Variants in TOX observed in about 807,000 individuals in gnomAD.
The protein encoded by TOX is thymocyte selection associated high mobility group box.
TOX carries 11 observed loss-of-function variants against 53.7 expected under a neutral mutation model. That is an observed-to-expected ratio of 0.20 (90% CI 0.13 to 0.34). The LOEUF (loss-of-function observed/expected upper bound fraction) is 0.34. Ranked by LOEUF, TOX falls within the 10% of genes least tolerant of loss-of-function variation. TOX has a pLI of 1.00. For synonymous variants in TOX, 225 were observed against 245.3 expected, an observed-to-expected ratio of 0.92 and a Z score of 0.77; for missense variants, 570 against 664.6, an observed-to-expected ratio of 0.86 and a Z score of 1.56.
intron 1 of TOX, among the ~76,000 whole-genome samples, chr8:58,972,952 T>C (rs1052823465): frequency 1.3e-5 from 2 of 152,206 alleles, no homozygotes; most frequent in African/African-American, 4.8e-5. Context: ...TTCCAAGAAA[T>C]CTTTTAACGT....
intron 6 of TOX, 120 bp downstream of exon 6, chr8:58,826,702 T>C (rs1810372765): frequency 4.7e-6 from 4 of 855,078 alleles, no homozygotes; most frequent in Middle Eastern, 2.4e-4. Context: ...ATTTACTTTT[T>C]TTTCCAACAA....
At chr8:58,999,978 A>G (rs1813658316) in intron 1 of TOX, among the ~76,000 whole-genome samples, 1 of 152,212 alleles carries the variant, frequency 6.6e-6, no homozygotes, top group Admixed American at 6.5e-5. Flanking sequence ...GAATTCTGCA[A>G]GCACAGAAAT....
At chr8:58,815,878 T>C (rs781430675) in intron 6 of TOX, among the ~76,000 whole-genome samples, 154 bp from the exon 7 acceptor site, 1 of 152,226 alleles carries the variant, frequency 6.6e-6, no homozygotes, top group Non-Finnish European at 1.5e-5. Context: ...CACCATTATT[T>C]GTAATGTGAT....
chr8:58,888,855 TA>T (rs928548549), intron 3 of TOX, among the ~76,000 whole-genome samples: 8 of 151,112 alleles, frequency 5.3e-5, no homozygotes, highest in African/African-American at 1.7e-4. Context: ...GTGAATCAAG[TA>T]AAAAAAAATC....
rs558013797 is a variant in TOX at position 59,074,291 on chromosome 8, A to G, written c.102+44595T>C. Among the ~76,000 whole-genome samples the G allele has an allele frequency of 3.3e-5, 5 of 152,348 alleles. No individual in the cohort carries two copies. The East Asian group carries it at 7.7e-4, about 24-fold the overall frequency. On this transcript the variant is annotated intron_variant, in intron 1 of 8. Coordinates refer to ENST00000361421, the MANE Select transcript of TOX (RefSeq NM_014729.3). ...TATCTAGTAAATGTAATTCCTACAT[A>G]AGAGAAATACATTTGCATTTCTCAG...
At chr8:58,936,768 CT>C (rs1812351113) in intron 3 of TOX, among the ~76,000 whole-genome samples, 1 of 152,166 alleles carries the variant, frequency 6.6e-6, no homozygotes. Flanking sequence ...TCTTCTTTCT[CT>C]GAGACCATGC....
rs546021122 is a variant in TOX at position 58,855,479 on chromosome 8, TC to T, written c.412-3675del. Among the ~76,000 whole-genome samples the T allele has an allele frequency of 3.7e-4, 56 of 152,326 alleles. 1 individual carries two copies. The South Asian group carries it at 0.011, about 30-fold the overall frequency. ...GCAGTCATTTTTGACTCTTTCCTTT[TC>T]TACCAAACTCTTGTGAGTTCTGTTG... On this transcript the variant is annotated intron_variant, in intron 3 of 8. Transcript: ENST00000361421.
chr8:59,029,371 T>C (rs772029702), intron 1 of TOX, among the ~76,000 whole-genome samples: 1 of 152,156 alleles, frequency 6.6e-6, no homozygotes, highest in African/African-American at 2.4e-5. Context: ...TAATTTATGT[T>C]GGATTAAATA....
intron 7 of TOX, among the ~76,000 whole-genome samples, chr8:58,808,689 G>A (rs546648692): frequency 4.6e-5 from 7 of 152,278 alleles, no homozygotes; most frequent in Admixed American, 6.5e-5. Flanking sequence ...CAGGCAGCAG[G>A]TGGCTGAGTG....
chr8:59,043,902 G>A (rs1803639986), intron 1 of TOX, among the ~76,000 whole-genome samples: 1 of 152,130 alleles, frequency 6.6e-6, no homozygotes, highest in Non-Finnish European at 1.5e-5. Flanking sequence ...AGTAGAGAGG[G>A]ACCAAGACTT....
chr8:58,999,910 G>GT (rs1813657170), intron 1 of TOX, among the ~76,000 whole-genome samples: 1 of 152,132 alleles, frequency 6.6e-6, no homozygotes, highest in African/African-American at 2.4e-5. Flanking sequence ...AGAGGGGCTG[G>GT]TTTTGGTTTT....
intron 3 of TOX, among the ~76,000 whole-genome samples, chr8:58,913,751 A>G (rs1454121203): frequency 7.4e-6 from 1 of 135,356 alleles, no homozygotes; most frequent in East Asian, 2.3e-4. Flanking sequence ...TTGGAAGTAT[A>G]AGAATGTTTT....
At chr8:58,975,710 CTGT>C (rs2129180097) in intron 1 of TOX, among the ~76,000 whole-genome samples, 1 of 152,282 alleles carries the variant, frequency 6.6e-6, no homozygotes, top group African/African-American at 2.4e-5. Flanking sequence ...TCTTGCCTTA[CTGT>C]TGATGACTGC....
chr8:59,077,882 C>T (rs191900161), intron 1 of TOX, among the ~76,000 whole-genome samples: 12 of 152,098 alleles, frequency 7.9e-5, no homozygotes, highest in Non-Finnish European at 4.4e-5. Flanking sequence ...CCTTTTTGCC[C>T]CTTAATCATG....
rs759291591 is a variant in TOX at position 58,815,593 on chromosome 8, C to T, written c.1137G>A (p.Pro379=). The T allele has an allele frequency of 1.2e-5, 20 of 1,613,972 alleles. No individual in the cohort carries two copies. The highest frequency in any genetic ancestry group is 3.3e-5 in the South Asian group (3 of 91,078). ...TGGCAGTTAGGTGAGGATTCATTCCCGGTTGTTGGTGATAGTGGGAACTTA... is the reference window on the plus strand; with the variant it reads ...TGGCAGTTAGGTGAGGATTCATTCCTGGTTGTTGGTGATAGTGGGAACTTA... The part of the protein sequence containing the change: ...LYLSSHYHQQ[P]GMNPHLTAMH... Residue 379 remains proline (P), a synonymous_variant, in exon 7 of 9, where the codon CCG becomes CCA. Coordinates refer to ENST00000361421, the MANE Select transcript of TOX (RefSeq NM_014729.3).
At chr8:59,082,627 T>C (rs1804430011) in intron 1 of TOX, among the ~76,000 whole-genome samples, 1 of 152,210 alleles carries the variant, frequency 6.6e-6, no homozygotes, top group South Asian at 2.1e-4. Flanking sequence ...ATATGGACTT[T>C]GCCTTAAGGG....
At chr8:58,999,904 G>A (rs1049615397) in intron 1 of TOX, among the ~76,000 whole-genome samples, 1 of 151,980 alleles carries the variant, frequency 6.6e-6, no homozygotes, top group African/African-American at 2.4e-5. Flanking sequence ...GACACAAGAG[G>A]GGCTGGTTTT....
At chr8:58,845,231 CT>C (rs1810703550) in intron 4 of TOX, among the ~76,000 whole-genome samples, 1 of 152,094 alleles carries the variant, frequency 6.6e-6, no homozygotes, top group South Asian at 2.1e-4. Flanking sequence ...GCAGTAATCG[CT>C]GTAGTTTAAA....
chr8:59,034,751 G>C (rs1479031845), intron 1 of TOX, among the ~76,000 whole-genome samples: 1 of 152,218 alleles, frequency 6.6e-6, no homozygotes, highest in Non-Finnish European at 1.5e-5. Flanking sequence ...TGGCAAGTTA[G>C]AGAAAGAAAA....
Sources: gnomAD v4.1 joint callset for allele counts (sites outside exome capture counted in the v4.1 genomes callset) on GRCh38, gnomAD v4.1.1 for gene constraint, MANE v1.5 for transcripts, NCBI Gene and HGNC (gene_info 2026-07-23, HGNC 2026-07-21) for gene names.